Variants in HECW1 observed in about 807,000 individuals in gnomAD.
The protein encoded by HECW1 is HECT, C2 and WW domain containing E3 ubiquitin protein ligase 1.
In HECW1, 61 loss-of-function variants were observed where a neutral mutation model predicts 182.3. That is an observed-to-expected ratio of 0.33 (90% CI 0.27 to 0.41). The LOEUF (loss-of-function observed/expected upper bound fraction) is 0.41, where lower values mean the gene tolerates loss of function less well. Among genes scored for constraint, HECW1 ranks in the 10% least tolerant of loss-of-function variants. HECW1 has a pLI of 1.00. For synonymous variants in HECW1, 859 were observed against 832.6 expected (o/e 1.03, Z -0.55); for missense variants, 1,739 against 2,108.9 (o/e 0.82, Z 3.44).
intron 17 of HECW1, among the ~76,000 whole-genome samples, chr7:43,487,400 A>G (rs945433154): frequency 1.8e-4 from 28 of 152,354 alleles, no homozygotes; most frequent in Non-Finnish European, 3.7e-4. Context: ...ATCGATATCA[A>G]AAGAAAAAGA....
chr7:43,444,369 C>G lies in HECW1; in HGVS notation c.1197C>G (p.Gly399=). ...GGAAGCCAGAGCAGCTGGGTGAGGG[C>G]AGTGTCCCCGATGGTCCAGGGAACC... is the stretch of plus-strand genomic sequence containing the variant. ...ESWKPEQLGE[G]SVPDGPGNQS... is the part of the protein sequence containing the mutation. The change falls in exon 11 of 30, where the codon GGC becomes GGG. Residue 399 remains glycine (G), a synonymous_variant. Transcript: ENST00000395891. This position sits in a 1 kb window ranked among gnomAD's most constrained non-coding sequence, Gnocchi z 4.3. 1 of 1,614,060 alleles carries G rather than the reference C, an allele frequency of 6.2e-7. No homozygotes were observed. Among genetic ancestry groups the G allele is most frequent in the Non-Finnish European group, 8.5e-7 (1 of 1,179,992 alleles).
chr7:43,219,726 G>T (rs574918076), intron 2 of HECW1, among the ~76,000 whole-genome samples: 23 of 152,206 alleles, frequency 1.5e-4, no homozygotes, highest in Non-Finnish European at 2.9e-4. Flanking sequence ...TAACATAATT[G>T]ATTAAGTCAG....
intron 2 of HECW1, among the ~76,000 whole-genome samples, chr7:43,170,603 G>A (rs1211602294): frequency 1.3e-5 from 2 of 152,180 alleles, no homozygotes; most frequent in Non-Finnish European, 2.9e-5. Context: ...CAGGGTGGCT[G>A]GAAAATAGAG....
intron 17 of HECW1, 29 bp from the exon 18 acceptor site, chr7:43,492,046 T>C: frequency 6.6e-7 from 1 of 1,511,390 alleles, no homozygotes; most frequent in South Asian, 1.2e-5. Flanking sequence ...TACAAATTTC[T>C]AATGCTTATG....
intron 21 of HECW1, 41 bp from the exon 22 acceptor site, chr7:43,507,096 G>GA (rs2079613720): frequency 2.5e-6 from 4 of 1,585,740 alleles, no homozygotes; most frequent in Admixed American, 1.9e-5. Flanking sequence ...AGAAGAAGAA[G>GA]AAGAAAGAAA....
intron 2 of HECW1, among the ~76,000 whole-genome samples, chr7:43,133,166 C>G (rs1407344477): frequency 2.0e-5 from 3 of 151,806 alleles, no homozygotes; most frequent in Non-Finnish European, 4.4e-5. Context: ...CCAACCTGAG[C>G]ACTATTATTT....
intron 2 of HECW1, among the ~76,000 whole-genome samples, chr7:43,135,639 A>G (rs1490184223): frequency 5.9e-5 from 9 of 152,198 alleles, no homozygotes; most frequent in African/African-American, 1.4e-4. Flanking sequence ...ATCTACACCT[A>G]TCATCTTTTC....
chr7:43,131,406 C>T (rs1040674044), intron 2 of HECW1, among the ~76,000 whole-genome samples: 9 of 152,172 alleles, frequency 5.9e-5, no homozygotes, highest in African/African-American at 2.2e-4. Context: ...CAATGACCAA[C>T]CCTGCATTTT....
At chr7:43,486,056 T>C (rs1311898886) in intron 17 of HECW1, among the ~76,000 whole-genome samples, 1 of 151,834 alleles carries the variant, frequency 6.6e-6, no homozygotes, top group African/African-American at 2.4e-5. Context: ...CCCCTCCCTG[T>C]GTCCATGTGT....
intron 24 of HECW1, among the ~76,000 whole-genome samples, chr7:43,517,643 C>T (rs988825557): frequency 6.6e-6 from 1 of 152,094 alleles, no homozygotes; most frequent in Non-Finnish European, 1.5e-5. Context: ...GGCCCTTCAA[C>T]CTCCCAGGGC....
chr7:43,475,151 A>G (rs750413494), intron 16 of HECW1, among the ~76,000 whole-genome samples: 2 of 152,218 alleles, frequency 1.3e-5, no homozygotes, highest in Non-Finnish European at 2.9e-5. Flanking sequence ...TTTTGCCACA[A>G]CAACAAAAAA....
At chr7:43,483,745 C>T (rs2078524435) in intron 17 of HECW1, among the ~76,000 whole-genome samples, 1 of 152,004 alleles carries the variant, frequency 6.6e-6, no homozygotes, top group Non-Finnish European at 1.5e-5. Flanking sequence ...GACGGGGTTT[C>T]ACCATGCTGG....
At chr7:43,144,013 C>T (rs1188115971) in intron 2 of HECW1, among the ~76,000 whole-genome samples, 4 of 152,202 alleles carry the variant, frequency 2.6e-5, no homozygotes, top group Non-Finnish European at 5.9e-5. Flanking sequence ...GCTGCACTCA[C>T]GGTCAGCAAG....
chr7:43,375,006 T>C (rs2152822664), intron 6 of HECW1, among the ~76,000 whole-genome samples: 1 of 152,262 alleles, frequency 6.6e-6, no homozygotes. Flanking sequence ...CTTCTGCAAC[T>C]ACATAGTCCT....
At chr7:43,283,937 G>T (rs561836906) in intron 3 of HECW1, among the ~76,000 whole-genome samples, 1 of 152,342 alleles carries the variant, frequency 6.6e-6, no homozygotes, top group East Asian at 1.9e-4. Flanking sequence ...TGCCTTGAGT[G>T]TCAGGAGTGG....
chr7:43,115,298 T>C (rs927289952), intron 2 of HECW1, among the ~76,000 whole-genome samples: 2 of 59,518 alleles, frequency 3.4e-5, no homozygotes, highest in African/African-American at 1.4e-4. Flanking sequence ...CTCAAACAGG[T>C]CTTTTTTTTT....
intron 4 of HECW1, 43 bp downstream of exon 4, chr7:43,312,130 A>G: frequency 1.6e-5 from 24 of 1,490,554 alleles, no homozygotes; most frequent in Non-Finnish European, 2.2e-5. Flanking sequence ...ATTCACTTTT[A>G]CATATGCTGT....
At chr7:43,477,693 T>C (rs1168438771) in intron 16 of HECW1, among the ~76,000 whole-genome samples, 31 of 152,194 alleles carry the variant, frequency 2.0e-4, no homozygotes, top group Admixed American at 2.0e-3. Flanking sequence ...ATTAGTAGTG[T>C]TGTTATTTAC....
In HECW1 at chr7:43,180,434, C is replaced by T. The variant is rs372745174; in HGVS notation, c.-31-63441C>T. 1.4e-4 allele frequency among the ~76,000 whole-genome samples: 22 copies of T among 151,938 alleles called. No homozygotes were observed. In the East Asian group the frequency reaches 2.7e-3, roughly 19 times the overall value. ...TTTTTGAGATGGAGTCTTGCTCTGT[C>T]GCCCAGGCTGGAGTGCAGTGGTGCG... On this transcript the variant is annotated intron_variant, in intron 2 of 29. Coordinates refer to ENST00000395891, the MANE Select transcript of HECW1 (RefSeq NM_015052.5).
Sources: allele counts gnomAD v4.1 joint callset (sites outside exome capture counted in the v4.1 genomes callset), GRCh38; gene constraint gnomAD v4.1.1; non-coding constraint Gnocchi (gnomAD v3.1); transcripts MANE v1.5; gene names NCBI Gene and HGNC (gene_info 2026-07-23, HGNC 2026-07-21).